The following CD2AP variants were observed in gnomAD, a reference collection of about 807,000 sequenced individuals.
CD2AP encodes the protein CD2-associated protein.
Under a neutral mutation model 85.1 loss-of-function variants are expected in CD2AP, and 46 were observed. The observed-to-expected ratio is 0.54, with a 90% confidence interval of 0.43 to 0.69. CD2AP has a LOEUF of 0.69. Among genes scored for constraint, CD2AP ranks in the 30% least tolerant of loss-of-function variants. The pLI is 0.00. For synonymous variants in CD2AP, 255 were observed against 252.9 expected, an observed-to-expected ratio of 1.01 and a Z score of -0.08; for missense variants, 769 against 729.5, an observed-to-expected ratio of 1.05 and a Z score of -0.62.
At chr6:47,486,108 T>C in intron 1 of CD2AP, among the ~76,000 whole-genome samples, 1 of 152,224 alleles carries the variant, frequency 6.6e-6, no homozygotes, top group East Asian at 1.9e-4. Flanking sequence ...AAGAAGCTGC[T>C]GGTGAGAGTT....
chr6:47,567,199 G>A (rs1768027192), intron 5 of CD2AP, among the ~76,000 whole-genome samples: 1 of 151,446 alleles, frequency 6.6e-6, no homozygotes, highest in African/African-American at 2.4e-5. Flanking sequence ...TTTCTTTTAG[G>A]TATGCTTATA....
intron 11 of CD2AP, among the ~76,000 whole-genome samples, chr6:47,587,070 A>G (rs1407994113): frequency 1.3e-5 from 2 of 152,176 alleles, no homozygotes; most frequent in Non-Finnish European, 2.9e-5. Flanking sequence ...TGAATATTAA[A>G]TATTGTTAAA....
chr6:47,507,469 A>T (rs1351213265), intron 2 of CD2AP, among the ~76,000 whole-genome samples: 1 of 145,660 alleles, frequency 6.9e-6, no homozygotes, highest in Non-Finnish European at 1.5e-5. Flanking sequence ...GCCTTACGAA[A>T]TGTGGGCTGG....
chr6:47,582,240 A>AT (rs2114108593), intron 11 of CD2AP, 175 bp downstream of exon 11: 1 of 556,904 alleles, frequency 1.8e-6, no homozygotes, highest in South Asian at 2.2e-5. Flanking sequence ...ACAGATAACA[A>AT]TTTACATTCA....
intron 4 of CD2AP, among the ~76,000 whole-genome samples, chr6:47,548,827 C>T (rs906766518): frequency 2.6e-5 from 4 of 152,062 alleles, no homozygotes; most frequent in Non-Finnish European, 2.9e-5. Context: ...TAACTGAATC[C>T]AACAACATAT....
At chr6:47,568,789 C>T (rs1284398915) in intron 5 of CD2AP, among the ~76,000 whole-genome samples, 1 of 151,684 alleles carries the variant, frequency 6.6e-6, no homozygotes, top group Non-Finnish European at 1.5e-5. Context: ...ATTAGATGAC[C>T]TAGGGAGAAT....
At chr6:47,484,188 T>A (rs1264732923) in intron 1 of CD2AP, among the ~76,000 whole-genome samples, 2 of 152,144 alleles carry the variant, frequency 1.3e-5, no homozygotes, top group East Asian at 3.8e-4. Flanking sequence ...GTAGAGACAT[T>A]TATTATGTCT....
intron 1 of CD2AP, among the ~76,000 whole-genome samples, chr6:47,485,035 A>G (rs969487993): frequency 2.6e-5 from 4 of 152,210 alleles, no homozygotes; most frequent in African/African-American, 9.6e-5. Flanking sequence ...GCTGGTGTCA[A>G]CAAACCCGCA....
Position 47,478,115 on chromosome 6 carries a change from C to T in CD2AP, c.-130C>T. On this transcript the variant is annotated 5_prime_UTR_variant, in exon 1 of 18. Coordinates refer to ENST00000359314, the MANE Select transcript of CD2AP (RefSeq NM_012120.3). The stretch of plus-strand genomic sequence containing the variant: ...GGCGGATGGAGGCGACTCTTCGCCC[C>T]GCCTGAGCTCAGGAGGGGCTAGCGC... 1 of 1,234,322 alleles carries T rather than the reference C, an allele frequency of 8.1e-7. No individual in the cohort carries two copies. Among genetic ancestry groups the T allele is most frequent in the Non-Finnish European group, 1.2e-6 (1 of 863,368 alleles). The allele number at this position is 1,234,322 out of a possible 1,614,324, so 76.5% of individuals were successfully genotyped here. A position where few individuals can be genotyped will look rare whatever the true frequency, so the allele number is the denominator to read the frequency against.
In CD2AP at chr6:47,554,938, AG is replaced by A. The variant is rs371434430; in HGVS notation, c.541+173del. On this transcript the variant is annotated intron_variant, in intron 5 of 17. Transcript: ENST00000359314. ...GGGGACCTAACTGAATTAAATATCT[AG>A]TCCAATAATTTAATATTTTTCTTTC... Among the ~76,000 whole-genome samples, 678 of 152,300 alleles carry A rather than the reference AG, an allele frequency of 4.5e-3. 5 individuals carry two copies. Among genetic ancestry groups the A allele is most frequent in the African/African-American group, 0.015 (637 of 41,570 alleles).
At chr6:47,501,548 A>G (rs951443769) in intron 1 of CD2AP, among the ~76,000 whole-genome samples, 2 of 152,260 alleles carry the variant, frequency 1.3e-5, no homozygotes, top group South Asian at 2.1e-4. Flanking sequence ...TGAGAAAGGA[A>G]GGAGGGGAAT....
At chr6:47,566,341 T>C (rs957756701) in intron 5 of CD2AP, among the ~76,000 whole-genome samples, 1 of 142,632 alleles carries the variant, frequency 7.0e-6, no homozygotes, top group African/African-American at 2.6e-5. Context: ...CACATATATA[T>C]ATATGTATGT....
intron 7 of CD2AP, 104 bp from the exon 8 acceptor site, chr6:47,576,904 AT>A (rs1476154997): frequency 5.4e-6 from 4 of 747,640 alleles, no homozygotes; most frequent in Non-Finnish European, 7.2e-6. Flanking sequence ...AATTAAGTTC[AT>A]CTCTAATAAC....
At chr6:47,560,094 T>C (rs979759158) in intron 5 of CD2AP, among the ~76,000 whole-genome samples, 3 of 77,944 alleles carry the variant, frequency 3.8e-5, no homozygotes, top group Non-Finnish European at 8.4e-5. Flanking sequence ...TTTTGAAACT[T>C]TTTTTTAACT....
chr6:47,540,626 T>A (rs1767191199), intron 3 of CD2AP, among the ~76,000 whole-genome samples: 2 of 152,140 alleles, frequency 1.3e-5, no homozygotes, highest in African/African-American at 4.8e-5. Context: ...TTATGTTTAG[T>A]GTGAGAGGAA....
Position 47,503,428 on chromosome 6 carries a change from C to G in CD2AP, c.153C>G (p.Asp51Glu), listed in dbSNP as rs767203625. The change falls in exon 2 of 18, where the codon GAC (aspartate) becomes GAG (glutamate). Residue 51 changes from aspartate to glutamate, a missense_variant. Asp to Glu is a conservative substitution (Grantham distance 45, BLOSUM62 2). Transcript: ENST00000359314. ...ELNGRRGMFP[D>E]NFVKEIKRET... is the part of the protein sequence containing the mutation. Reference sequence around the variant, plus strand: ...ATGGGAGAAGAGGAATGTTCCCTGACAATTTCGTTAAGGTAAGTATTTTCA... The same window carrying G: ...ATGGGAGAAGAGGAATGTTCCCTGAGAATTTCGTTAAGGTAAGTATTTTCA... 1 of 1,613,654 alleles carries G rather than the reference C, an allele frequency of 6.2e-7. No homozygotes were observed. Among genetic ancestry groups the G allele is most frequent in the Non-Finnish European group, 8.5e-7 (1 of 1,179,674 alleles).
intron 1 of CD2AP, 56 bp from the exon 2 acceptor site, chr6:47,503,224 T>C: frequency 6.8e-7 from 1 of 1,466,450 alleles, no homozygotes; most frequent in Non-Finnish European, 9.5e-7. Context: ...ATTAATATAG[T>C]TTACAGTATT....
At chr6:47,549,808 T>A (rs1767465057) in intron 4 of CD2AP, among the ~76,000 whole-genome samples, 1 of 152,068 alleles carries the variant, frequency 6.6e-6, no homozygotes, top group Admixed American at 6.6e-5. Context: ...GATTTCAAAT[T>A]ATACTATAAG....
At chr6:47,554,311 T>A (rs1337173735) in intron 4 of CD2AP, among the ~76,000 whole-genome samples, 1 of 152,146 alleles carries the variant, frequency 6.6e-6, no homozygotes, top group African/African-American at 2.4e-5. Context: ...TTTACAAGAG[T>A]GACATTCCAG....
Sources: gnomAD v4.1 joint callset for allele counts (sites outside exome capture counted in the v4.1 genomes callset) on GRCh38, gnomAD v4.1.1 for gene constraint, MANE v1.5 for transcripts, NCBI Gene and HGNC (gene_info 2026-07-23, HGNC 2026-07-21) for gene names.